Variants in AGL observed in about 807,000 individuals in gnomAD.
AGL encodes glycogen debranching enzyme.
AGL carries 128 observed loss-of-function variants against 199.3 expected under a neutral mutation model. The observed-to-expected ratio is 0.64, with a 90% confidence interval of 0.56 to 0.74. AGL has a LOEUF of 0.74. AGL is among the 30% of genes least tolerant of loss of function. AGL has a pLI of 0.00. For synonymous variants in AGL, 584 were observed against 594.7 expected (o/e 0.98, Z 0.26); for missense variants, 1,809 against 1,820.8 (o/e 0.99, Z 0.12).
At chr1:99,860,707 A>G (rs74102273) in intron 2 of AGL, among the ~76,000 whole-genome samples, 2,794 of 152,272 alleles carry the variant, frequency 0.018, 62 homozygotes, top group African/African-American at 0.052. Context: ...AAGCATAGGG[A>G]TATAGGCAGT....
rs375100886 is a variant in AGL at position 99,916,480 on chromosome 1, A to G, written c.4330A>G (p.Asn1444Asp). ...NDNYNLAKGF[N>D]YHQGPEWLWP... ...CAACTACAATCTTGCTAAAGGTTTC[A>G]ATTATCACCAAGGACCTGTAAGAAT... The change falls in exon 32 of 34, where the codon AAT becomes GAT. Residue 1444 changes from asparagine to aspartate, a missense_variant. Transcript: ENST00000361915. The G allele has an allele frequency of 9.9e-6, 16 of 1,611,776 alleles. No individual in the cohort carries two copies. Among genetic ancestry groups the G allele is most frequent in the Non-Finnish European group, 1.3e-5 (15 of 1,178,352 alleles).
At chr1:99,912,365 A>G in intron 28 of AGL, 40 bp from the exon 29 acceptor site, 1 of 1,502,096 alleles carries the variant, frequency 6.7e-7, no homozygotes. Context: ...TACTTAAAGG[A>G]CGCCAACTTA....
intron 24 of AGL, among the ~76,000 whole-genome samples, chr1:99,892,871 G>GT (rs1653017662): frequency 6.6e-6 from 1 of 151,306 alleles, no homozygotes; most frequent in Admixed American, 6.6e-5. Context: ...GACATTCTGT[G>GT]TTTTTTTAAA....
chr1:99,894,294 A>G (rs1210707379), intron 24 of AGL, among the ~76,000 whole-genome samples: 1 of 152,350 alleles, frequency 6.6e-6, no homozygotes, highest in Admixed American at 6.5e-5. Flanking sequence ...AAAAGTTAAT[A>G]CAAACATTTC....
chr1:99,912,293 A>T, intron 28 of AGL, 112 bp from the exon 29 acceptor site: 1 of 817,360 alleles, frequency 1.2e-6, no homozygotes, highest in Admixed American at 2.5e-5. Context: ...AGGATTTTTT[A>T]ATAGTTTTCA....
chr1:99,852,685 A>G (rs1375762180), intron 2 of AGL: 1 of 780,082 alleles, frequency 1.3e-6, no homozygotes, highest in African/African-American at 1.7e-5. Flanking sequence ...CCCAATTCTG[A>G]GCATTAATTT....
chr1:99,851,248 T>C, intron 2 of AGL, 124 bp downstream of exon 2: 1 of 852,056 alleles, frequency 1.2e-6, no homozygotes, highest in South Asian at 1.4e-5. Context: ...AAACTTGATT[T>C]GTGCAAAGAT....
intron 23 of AGL, 94 bp from the exon 24 acceptor site, chr1:99,892,338 A>C (rs1652959951): frequency 1.4e-5 from 16 of 1,140,700 alleles, no homozygotes; most frequent in Middle Eastern, 3.9e-4. Flanking sequence ...ATAGATTTGT[A>C]TAGAAAAATC....
In AGL at chr1:99,879,933, A is replaced by G. The variant is rs757101681; in HGVS notation, c.1622A>G (p.Asp541Gly). 6.2e-7 allele frequency: 1 copy of G among 1,612,798 alleles called. No homozygotes were observed. Among genetic ancestry groups the G allele is most frequent in the Non-Finnish European group, 8.5e-7 (1 of 1,179,088 alleles). ...CTGTGCTTTTTACAGTACATGTTGG[A>G]TGCTGCTAGGAATTTGCAACCCAAT... ...TPLHVAEYML[D>G]AARNLQPNLY... Residue 541 changes from aspartate to glycine, a missense_variant, in exon 13 of 34, where the codon GAT (aspartate) becomes GGT (glycine). Coordinates refer to ENST00000361915, the MANE Select transcript of AGL (RefSeq NM_000642.3).
rs142721855 is a variant in AGL, at chr1:99,853,756, G to A, written c.82+2632G>A. ...GAAACAAAATTAGCTGGGCATGATG[G>A]TGCTTGCCTGTGGTCCCCAGCTACC... On this transcript the variant is annotated intron_variant, in intron 2 of 33. Transcript: ENST00000361915. Among the ~76,000 whole-genome samples, 52 of 152,282 alleles carry A rather than the reference G, an allele frequency of 3.4e-4. No homozygotes were observed. The East Asian group carries it at 9.1e-3, about 27-fold the overall frequency.
intron 30 of AGL, 54 bp from the exon 31 acceptor site, chr1:99,915,335 A>G: frequency 1.4e-6 from 2 of 1,399,872 alleles, no homozygotes; most frequent in Middle Eastern, 1.8e-4. Flanking sequence ...GTGGGTAGGA[A>G]CTAATTCTTC....
At chr1:99,859,916 T>A (rs1435573208) in intron 2 of AGL, among the ~76,000 whole-genome samples, 1 of 152,266 alleles carries the variant, frequency 6.6e-6, no homozygotes, top group Non-Finnish European at 1.5e-5. Flanking sequence ...ATTTATTTAA[T>A]CACTGCCAAT....
intron 12 of AGL, 121 bp downstream of exon 12, chr1:99,877,949 G>A (rs1211174844): frequency 4.2e-6 from 4 of 963,646 alleles, no homozygotes; most frequent in Admixed American, 1.9e-5. Context: ...CATTGATTTG[G>A]TGGTAGTATT....
At chr1:99,851,252 C>A in intron 2 of AGL, 128 bp downstream of exon 2, 1 of 831,810 alleles carries the variant, frequency 1.2e-6, no homozygotes, top group Non-Finnish European at 2.1e-6. Flanking sequence ...TTGATTTGTG[C>A]AAAGATGGTG....
intron 26 of AGL, among the ~76,000 whole-genome samples, chr1:99,901,118 C>G (rs891989555): frequency 6.6e-6 from 1 of 151,248 alleles, no homozygotes; most frequent in African/African-American, 2.4e-5. Flanking sequence ...GTTGTGTAGT[C>G]TCTTAAAAGA....
chr1:99,900,122 G>A (rs1003387226), intron 25 of AGL, among the ~76,000 whole-genome samples: 2 of 151,654 alleles, frequency 1.3e-5, no homozygotes, highest in Non-Finnish European at 2.9e-5. Flanking sequence ...TAGAGACAGC[G>A]TTTCACCATG....
chr1:99,855,153 A>G (rs755501980), intron 2 of AGL, among the ~76,000 whole-genome samples: 33 of 152,146 alleles, frequency 2.2e-4, no homozygotes, highest in Non-Finnish European at 2.4e-4. Flanking sequence ...GTAAGCCAAG[A>G]TCGTGCCAAT....
At chr1:99,911,079 C>T (rs1654722690) in intron 28 of AGL, among the ~76,000 whole-genome samples, 1 of 152,164 alleles carries the variant, frequency 6.6e-6, no homozygotes. Context: ...TCTCTACAAG[C>T]ACCTCAAAGG....
chr1:99,882,136 C>CA (rs761262994), intron 17 of AGL, among the ~76,000 whole-genome samples: 1,073 of 60,082 alleles, frequency 0.018, 18 homozygotes, highest in African/African-American at 0.053. Flanking sequence ...GACCCTATCT[C>CA]AAAAAAAAAA....
Sources: allele counts gnomAD v4.1 joint callset (sites outside exome capture counted in the v4.1 genomes callset), GRCh38; gene constraint gnomAD v4.1.1; transcripts MANE v1.5; gene names NCBI Gene and HGNC (gene_info 2026-07-23, HGNC 2026-07-21).